RBM27: variants seen among roughly 807,000 people sequenced by gnomAD.
The protein encoded by RBM27 is RNA binding motif protein 27.
RBM27 carries 22 observed loss-of-function variants against 135.3 expected under a neutral mutation model. The observed-to-expected ratio is 0.16, with a 90% CI of 0.12 to 0.23. RBM27 has a LOEUF of 0.23. Ranked by LOEUF, RBM27 falls within the 10% of genes least tolerant of loss-of-function variation. The pLI, the probability that RBM27 is intolerant of heterozygous loss-of-function variation, is 1.00. For missense variants in RBM27, 1,009 were observed against 1,281.0 expected, an observed-to-expected ratio of 0.79 and a Z score of 3.24; for synonymous variants, 481 against 442.4, an observed-to-expected ratio of 1.09 and a Z score of -1.10.
At chr5:146,277,235 C>T (rs1054802431) in intron 19 of RBM27, among the ~76,000 whole-genome samples, 4 of 152,144 alleles carry the variant, frequency 2.6e-5, no homozygotes, top group African/African-American at 9.7e-5. Context: ...TTACCAATTA[C>T]ATTTTTATGA....
At chr5:146,268,357 C>T (rs554881765) in intron 15 of RBM27, among the ~76,000 whole-genome samples, 2 of 152,034 alleles carry the variant, frequency 1.3e-5, no homozygotes, top group East Asian at 1.9e-4. Flanking sequence ...ATTCTCCTGC[C>T]TCAGCCTCCA....
chr5:146,224,628 G>C (rs1756588394), intron 3 of RBM27, among the ~76,000 whole-genome samples: 1 of 151,972 alleles, frequency 6.6e-6, no homozygotes, highest in Non-Finnish European at 1.5e-5. Flanking sequence ...GTTGCAGTGA[G>C]CCGAGATCAT....
In RBM27 at chr5:146,223,592, G is replaced by A. The variant is rs1561529960; in HGVS notation, c.303+65G>A. On this transcript the variant is annotated intron_variant, in intron 3 of 20. Coordinates refer to ENST00000265271, the MANE Select transcript of RBM27 (RefSeq NM_018989.2). ...GATCCTGTCACCAGTATCCTTAGTT[G>A]GAAGTTGAGCCTTTTAAAAGTAATT... The A allele has an allele frequency of 5.9e-6, 9 of 1,519,830 alleles. No homozygotes were observed. The South Asian group carries it at 1.0e-4, about 18-fold the overall frequency. 94.1% of individuals were successfully genotyped at this position (1,519,830 alleles called of 1,614,324 possible). A position where few individuals can be genotyped will look rare whatever the true frequency, so the allele number is the denominator to read the frequency against.
chr5:146,241,755 G>A (rs767360848), intron 8 of RBM27, among the ~76,000 whole-genome samples: 8 of 152,070 alleles, frequency 5.3e-5, no homozygotes, highest in Non-Finnish European at 7.4e-5. Context: ...CACTGTGACC[G>A]GCCTCTAAAC....
chr5:146,256,763 A>C (rs140273196), intron 10 of RBM27, among the ~76,000 whole-genome samples: 2 of 152,328 alleles, frequency 1.3e-5, no homozygotes, highest in East Asian at 3.9e-4. Flanking sequence ...ACAGCTGTTA[A>C]GTGGCAGAAC....
At chr5:146,279,595 C>T (rs1759244343) in intron 19 of RBM27, among the ~76,000 whole-genome samples, 1 of 151,804 alleles carries the variant, frequency 6.6e-6, no homozygotes, top group South Asian at 2.1e-4. Flanking sequence ...ATCACCTGAC[C>T]TCAGGAGTTT....
intron 2 of RBM27, among the ~76,000 whole-genome samples, chr5:146,220,292 A>G (rs1756391276): frequency 6.6e-6 from 1 of 152,062 alleles, no homozygotes; most frequent in Admixed American, 6.6e-5. Context: ...CCTGGCCAAC[A>G]CGGTGAAACC....
At chr5:146,230,297 G>T in intron 5 of RBM27, among the ~76,000 whole-genome samples, 1 of 152,136 alleles carries the variant, frequency 6.6e-6, no homozygotes, top group Non-Finnish European at 1.5e-5. Context: ...AAATTAAATG[G>T]ATAAAATAAG....
At chr5:146,225,607 C>A (rs1756639104) in intron 3 of RBM27, among the ~76,000 whole-genome samples, 1 of 151,440 alleles carries the variant, frequency 6.6e-6, no homozygotes, top group African/African-American at 2.4e-5. Context: ...GCTCCATCGC[C>A]CAGGTTGGAG....
intron 14 of RBM27, among the ~76,000 whole-genome samples, chr5:146,264,465 G>A (rs547184913): frequency 1.6e-4 from 25 of 151,956 alleles, no homozygotes; most frequent in Non-Finnish European, 3.1e-4. Context: ...CACTGCACCC[G>A]GCTGAATTTT....
rs190597346 is a variant in RBM27 at position 146,215,164 on chromosome 5, C to T, written c.60-3821C>T. On this transcript the variant is annotated intron_variant, in intron 1 of 20. Transcript: ENST00000265271. The stretch of plus-strand genomic sequence containing the variant: ...TCCCAGGCTCAAGCAGTTCTCCTGC[C>T]TCAGCCACCCAAGTAGCTGGGATTA... Among the ~76,000 whole-genome samples, 395 of 152,284 alleles carry T rather than the reference C, an allele frequency of 2.6e-3. 2 individuals carry two copies. Among genetic ancestry groups the T allele is most frequent in the Non-Finnish European group, 4.2e-3 (285 of 68,018 alleles).
chr5:146,221,684 G>A (rs528367460), intron 2 of RBM27, among the ~76,000 whole-genome samples: 3 of 152,114 alleles, frequency 2.0e-5, no homozygotes, highest in Admixed American at 6.6e-5. Flanking sequence ...CACCTGCCTC[G>A]GCCTCCCAAA....
Position 146,260,797 on chromosome 5 carries a change from A to G in RBM27, c.1792A>G (p.Thr598Ala). The change falls in exon 12 of 21, where the codon ACA becomes GCA. Residue 598 changes from threonine to alanine, a missense_variant. Thr to Ala is a moderately conservative substitution (Grantham distance 58). Coordinates refer to ENST00000265271, the MANE Select transcript of RBM27 (RefSeq NM_018989.2). The stretch of plus-strand genomic sequence containing the variant: ...AGGGTTCTTACGAAAGAATCAGTAT[A>G]CAAACACCAAATTAGAAGTCAAGAA... ...KPGFLRKNQY[T>A]NTKLEVKKIP... The G allele has an allele frequency of 6.2e-7, 1 of 1,613,602 alleles. No homozygotes were observed. The highest frequency in any genetic ancestry group is 8.5e-7 in the Non-Finnish European group (1 of 1,179,672).
At chr5:146,250,179 G>A (rs920382980) in intron 8 of RBM27, among the ~76,000 whole-genome samples, 2 of 152,018 alleles carry the variant, frequency 1.3e-5, no homozygotes, top group Non-Finnish European at 1.5e-5. Flanking sequence ...AAGGCTGGGC[G>A]CTGGGTCCGG....
At position 146,263,542 on chromosome 5, in the gene RBM27, G is replaced by T. The variant is rs943555122; in HGVS notation, c.2242G>T (p.Val748Phe). The T allele has an allele frequency of 1.9e-6, 3 of 1,614,018 alleles. No individual in the cohort carries two copies. The highest frequency in any genetic ancestry group is 2.5e-6 in the Non-Finnish European group (3 of 1,180,016). Residue 748 changes from valine to phenylalanine, a missense_variant, in exon 14 of 21, where the codon GTT (valine) becomes TTT (phenylalanine). Around this residue, in one of 6 missense-constraint regions of RBM27, gnomAD observed 355 missense variants for 427.3 expected, o/e 0.83. Transcript: ENST00000265271. ...SGAYVLNKVP[V>F]KHRLGHAGGN... The stretch of plus-strand genomic sequence containing the variant: ...TGCATATGTTCTTAACAAAGTTCCT[G>T]TTAAACATCGTCTTGGACATGCAGG...
chr5:146,268,513 A>G lies in RBM27; in HGVS notation c.2452-694A>G, dbSNP rs1758719898. On this transcript the variant is annotated intron_variant, in intron 15 of 20. Transcript: ENST00000265271. ...TGCCTCGGCTTCCCAAAGTGCTGGG[A>G]TTACAGGTGTGAGCCACTATGCCCG... Among the ~76,000 whole-genome samples the G allele has an allele frequency of 4.6e-5, 7 of 152,164 alleles. No individual in the cohort carries two copies. In the South Asian group the frequency reaches 1.4e-3, roughly 32 times the overall value.
chr5:146,212,210 C>G (rs370413480), intron 1 of RBM27, among the ~76,000 whole-genome samples: 1 of 152,066 alleles, frequency 6.6e-6, no homozygotes, highest in Non-Finnish European at 1.5e-5. Context: ...CACGCGCCAC[C>G]ACGCCTGGCT....
intron 5 of RBM27, 90 bp downstream of exon 5, chr5:146,230,000 T>C: frequency 6.9e-7 from 1 of 1,445,876 alleles, no homozygotes; most frequent in Non-Finnish European, 9.5e-7. Flanking sequence ...AGTTGTACCT[T>C]TAATATGTCT....
intron 8 of RBM27, among the ~76,000 whole-genome samples, chr5:146,239,026 T>C (rs1225061848): frequency 6.6e-6 from 1 of 152,194 alleles, no homozygotes; most frequent in Non-Finnish European, 1.5e-5. Context: ...GTTATTATTG[T>C]CTCCTGAAAT....
Sources: allele counts gnomAD v4.1 joint callset (sites outside exome capture counted in the v4.1 genomes callset), GRCh38; gene constraint gnomAD v4.1.1; regional missense constraint gnomAD v4.1.1; transcripts MANE v1.5; gene names NCBI Gene and HGNC (gene_info 2026-07-23, HGNC 2026-07-21).